The following TNFAIP8L1 variants were observed in gnomAD, a reference collection of about 807,000 sequenced individuals.
TNFAIP8L1 encodes tumor necrosis factor alpha-induced protein 8-like protein 1.
For synonymous variants in TNFAIP8L1, 127 were observed against 125.6 expected (o/e 1.01, Z -0.08); for missense variants, 225 against 266.1 (o/e 0.85, Z 1.08).
In TNFAIP8L1 at chr19:4,652,435, C is replaced by T. The variant is rs2088378763; in HGVS notation, c.*5C>T. 11 of 1,510,450 alleles carry T rather than the reference C, an allele frequency of 7.3e-6. No individual in the cohort carries two copies. Among genetic ancestry groups the T allele is most frequent in the African/African-American group, 2.8e-5 (2 of 71,716 alleles). The allele number at this position is 1,510,450 out of a possible 1,614,324, so 93.6% of individuals were successfully genotyped here. The stretch of plus-strand genomic sequence containing the variant: ...CTGGACGAGGGCAGCCTCTGAACCC[C>T]GGCGCCGCCCAACCGCGCCCCTCGC... On this transcript the variant is annotated 3_prime_UTR_variant, in exon 2 of 2. Transcript: ENST00000327473.
rs1001011261 is a variant in TNFAIP8L1 at position 4,645,658 on chromosome 19, C to T, written c.-4+6029C>T. Among the ~76,000 whole-genome samples, 1 of 150,340 alleles carries T rather than the reference C, an allele frequency of 6.7e-6. No homozygotes were observed. Among genetic ancestry groups the T allele is most frequent in the Non-Finnish European group, 1.5e-5 (1 of 67,778 alleles). On this transcript the variant is annotated intron_variant, in intron 1 of 1. Coordinates refer to ENST00000327473, the MANE Select transcript of TNFAIP8L1 (RefSeq NM_152362.3). This position sits in a 1 kb window ranked among gnomAD's most constrained non-coding sequence, Gnocchi z 4.1. ...CATTTAAGCCAGGGGTGGTAGCTCA[C>T]ACCTGTAGTCCCAGCACTTTGGGAG...
chr19:4,648,167 C>T (rs1254083494), intron 1 of TNFAIP8L1, among the ~76,000 whole-genome samples: 3 of 152,238 alleles, frequency 2.0e-5, no homozygotes, highest in Admixed American at 6.5e-5. Context: ...CATAAATGCT[C>T]GTTGAGCCAC....
At chr19:4,650,833 C>G (rs978043388) in intron 1 of TNFAIP8L1, among the ~76,000 whole-genome samples, 1 of 152,014 alleles carries the variant, frequency 6.6e-6, no homozygotes, top group Non-Finnish European at 1.5e-5. Context: ...TAAACCCTGT[C>G]GGGGGCCAGG....
rs2088263394 is a variant in TNFAIP8L1, at chr19:4,641,764, T to A, written c.-4+2135T>A. 6.6e-6 allele frequency: 1 copy of A among 152,218 alleles called. No individual in the cohort carries two copies. The highest frequency in any genetic ancestry group is 2.1e-4 in the South Asian group (1 of 4,834). The allele number at this position is 152,218 out of a possible 1,614,324, so 9.4% of individuals were successfully genotyped here. A position where few individuals can be genotyped will look rare whatever the true frequency, so the allele number is the denominator to read the frequency against. ...TTCTAGAAGCTTCCTAAGGCTTCGA[T>A]CCTTCCCCTCTGGGGTGGGCTCTGG... On this transcript the variant is annotated intron_variant, in intron 1 of 1. Coordinates refer to ENST00000327473, the MANE Select transcript of TNFAIP8L1 (RefSeq NM_152362.3). The surrounding 1 kb of genome is among the most constrained non-coding windows in gnomAD (Gnocchi z 4.6).
chr19:4,640,643 G>C (rs2088251474), intron 1 of TNFAIP8L1: 1 of 152,314 alleles, frequency 6.6e-6, no homozygotes, highest in Admixed American at 6.5e-5. Flanking sequence ...ATCAGATGCA[G>C]GAATACAGGC....
At chr19:4,646,916 C>T (rs1045251047) in intron 1 of TNFAIP8L1, among the ~76,000 whole-genome samples, 1 of 152,238 alleles carries the variant, frequency 6.6e-6, no homozygotes, top group African/African-American at 2.4e-5. Flanking sequence ...AGGCGTGAGC[C>T]GGTGCCCGGC....
In TNFAIP8L1 at chr19:4,652,863, AC is replaced by A. The variant is rs967293451; in HGVS notation, c.*440del. ...GAAGTGTTAGGGGGCAAGTCGCGGCACCCCCCCTTCCATAAACTCACGTCCT... is the reference window on the plus strand; with the variant it reads ...GAAGTGTTAGGGGGCAAGTCGCGGCACCCCCCTTCCATAAACTCACGTCCT... On this transcript the variant is annotated 3_prime_UTR_variant, in exon 2 of 2. Transcript: ENST00000327473. The A allele has an allele frequency of 3.2e-5, 6 of 188,846 alleles. No individual in the cohort carries two copies. Among genetic ancestry groups the A allele is most frequent in the Non-Finnish European group, 6.0e-5 (5 of 83,682 alleles). 11.7% of individuals were successfully genotyped at this position (188,846 alleles called of 1,614,324 possible). A position where few individuals can be genotyped will look rare whatever the true frequency, so the allele number is the denominator to read the frequency against.
At chr19:4,649,092 G>C (rs1205807617) in intron 1 of TNFAIP8L1, among the ~76,000 whole-genome samples, 2 of 151,740 alleles carry the variant, frequency 1.3e-5, no homozygotes, top group East Asian at 3.9e-4. Flanking sequence ...ACCATGCCCA[G>C]CTAATTTTTG....
chr19:4,646,114 T>C (rs1331863081), intron 1 of TNFAIP8L1, among the ~76,000 whole-genome samples: 2 of 152,058 alleles, frequency 1.3e-5, no homozygotes, highest in East Asian at 1.9e-4. Flanking sequence ...TTGTTTCTAT[T>C]TATTGGTTAC....
intron 1 of TNFAIP8L1, among the ~76,000 whole-genome samples, chr19:4,647,891 G>C (rs2088327351): frequency 6.6e-6 from 1 of 152,026 alleles, no homozygotes; most frequent in African/African-American, 2.4e-5. Context: ...GCCTCTTAAA[G>C]TGTTGGGATT....
In TNFAIP8L1 at chr19:4,652,385, G is replaced by T; in HGVS notation, c.516G>T (p.Arg172Ser). 6.4e-7 allele frequency: 1 copy of T among 1,551,812 alleles called. No homozygotes were observed. Residue 172 changes from arginine to serine, a missense_variant, in exon 2 of 2, where the codon AGG (arginine) becomes AGT (serine). Arg to Ser is a moderately radical substitution (Grantham distance 110, BLOSUM62 -1). Coordinates refer to ENST00000327473, the MANE Select transcript of TNFAIP8L1 (RefSeq NM_152362.3). ...AGCCCTACCGCTCCCACCTGCGCAGGATCTGCGAGGGCCTGGGCCGGATGC... is the reference window on the plus strand; with the variant it reads ...AGCCCTACCGCTCCCACCTGCGCAGTATCTGCGAGGGCCTGGGCCGGATGC... ...PAEPYRSHLR[R>S]ICEGLGRMLD...
Position 4,645,807 on chromosome 19 carries a change from C to T in TNFAIP8L1, c.-3-6060C>T, listed in dbSNP as rs11883130. The stretch of plus-strand genomic sequence containing the variant: ...ATTTTGCAGATGGGAAAGCTGCCCC[C>T]ATGCATGGGGCCTGCCAAGGGTCAC... On this transcript the variant is annotated intron_variant, in intron 1 of 1. Transcript: ENST00000327473. The surrounding 1 kb of genome is among the most constrained non-coding windows in gnomAD (Gnocchi z 4.1). 0.062 allele frequency among the ~76,000 whole-genome samples: 9,407 copies of T among 152,088 alleles called. 318 individuals are homozygous for T. Among genetic ancestry groups the T allele is most frequent in the African/African-American group, 0.083 (3,425 of 41,482 alleles).
intron 1 of TNFAIP8L1, among the ~76,000 whole-genome samples, chr19:4,642,714 G>A (rs557298929): frequency 6.6e-6 from 1 of 151,692 alleles, no homozygotes; most frequent in East Asian, 2.0e-4. Context: ...GGCCCGTGGG[G>A]CTGGAGCAGT....
At chr19:4,648,447 A>G (rs765843128) in intron 1 of TNFAIP8L1, among the ~76,000 whole-genome samples, 8 of 152,194 alleles carry the variant, frequency 5.3e-5, no homozygotes, top group East Asian at 3.9e-4. Context: ...TGGCAGAACA[A>G]TGGGTCAGGG....
chr19:4,646,662 G>A (rs965854681), intron 1 of TNFAIP8L1, among the ~76,000 whole-genome samples: 9 of 149,956 alleles, frequency 6.0e-5, no homozygotes, highest in African/African-American at 1.7e-4. Context: ...ATGGAGTCTC[G>A]CTCTGTCACC....
At position 4,652,295 on chromosome 19, in the gene TNFAIP8L1, C is replaced by T. The variant is rs1167141831; in HGVS notation, c.426C>T (p.Arg142=). ...GPHLTAKSHG[R]INHVFGHLAD... ...ACCTGACCGCCAAGTCCCACGGCCG[C>T]ATCAACCACGTGTTCGGCCACCTAG... The change falls in exon 2 of 2, where the codon CGC becomes CGT. Residue 142 remains arginine (R), a synonymous_variant. Coordinates refer to ENST00000327473, the MANE Select transcript of TNFAIP8L1 (RefSeq NM_152362.3). 1.3e-6 allele frequency: 2 copies of T among 1,565,878 alleles called. No homozygotes were observed. Among genetic ancestry groups the T allele is most frequent in the Admixed American group, 3.6e-5 (2 of 54,796 alleles).
rs1303302069 is a variant in TNFAIP8L1 at position 4,654,732 on chromosome 19, AC to A, written c.*2303del. 1.3e-5 allele frequency: 2 copies of A among 152,230 alleles called. No individual in the cohort carries two copies. Among genetic ancestry groups the A allele is most frequent in the Non-Finnish European group, 2.9e-5 (2 of 68,050 alleles). The allele number at this position is 152,230 out of a possible 1,614,324, so 9.4% of individuals were successfully genotyped here. Reference sequence around the variant, plus strand: ...TGTCGTCTTGGCTCTGGTACCACCCACGAGATGCGGGCGATTCTCAGCTCAG... The same window carrying A: ...TGTCGTCTTGGCTCTGGTACCACCCAGAGATGCGGGCGATTCTCAGCTCAG... On this transcript the variant is annotated 3_prime_UTR_variant, in exon 2 of 2. Coordinates refer to ENST00000327473, the MANE Select transcript of TNFAIP8L1 (RefSeq NM_152362.3).
At chr19:4,642,250 G>A (rs2088267740) in intron 1 of TNFAIP8L1, 1 of 152,210 alleles carries the variant, frequency 6.6e-6, no homozygotes, top group Non-Finnish European at 1.5e-5. Context: ...GGAGGCTGAG[G>A]TGGCCGGATC....
chr19:4,652,271 C>T lies in TNFAIP8L1; in HGVS notation c.402C>T (p.His134=). Reference sequence around the variant, plus strand: ...TGCTGCACCAGGCCGTGGGTCCCCACCTGACCGCCAAGTCCCACGGCCGCA... The same window carrying T: ...TGCTGCACCAGGCCGTGGGTCCCCATCTGACCGCCAAGTCCCACGGCCGCA... The part of the protein sequence containing the change: ...RDLLHQAVGP[H]LTAKSHGRIN... Residue 134 remains histidine, a synonymous_variant, in exon 2 of 2, where the codon CAC becomes CAT. Transcript: ENST00000327473. 1.3e-6 allele frequency: 2 copies of T among 1,564,846 alleles called. No homozygotes were observed. The highest frequency in any genetic ancestry group is 1.7e-6 in the Non-Finnish European group (2 of 1,158,542).
Sources: allele counts gnomAD v4.1 joint callset (sites outside exome capture counted in the v4.1 genomes callset), GRCh38; gene constraint gnomAD v4.1.1; non-coding constraint Gnocchi (gnomAD v3.1); transcripts MANE v1.5; gene names NCBI Gene and HGNC (gene_info 2026-07-23, HGNC 2026-07-21).